Variants in ZFPM2 observed in about 807,000 individuals in gnomAD.
The protein encoded by ZFPM2 is zinc finger protein, FOG family member 2.
A neutral mutation model predicts 98.6 loss-of-function variants in ZFPM2; 20 were observed. The ratio of observed to expected loss-of-function variants is 0.20; its 90% CI spans 0.14 to 0.29. The LOEUF (loss-of-function observed/expected upper bound fraction) is 0.29. ZFPM2 is among the 10% of genes least tolerant of loss of function. The probability of loss-of-function intolerance (pLI) is 1.00; values close to 1 mark genes in which losing one functional copy is unlikely to be tolerated. For synonymous variants in ZFPM2, 518 were observed against 502.7 expected, an observed-to-expected ratio of 1.03 and a Z score of -0.41; for missense variants, 1,310 against 1,388.6, an observed-to-expected ratio of 0.94 and a Z score of 0.90.
chr8:105,338,870 G>A (rs1465614837), intron 1 of ZFPM2, among the ~76,000 whole-genome samples: 1 of 151,804 alleles, frequency 6.6e-6, no homozygotes, highest in Non-Finnish European at 1.5e-5. Flanking sequence ...AATTAAAGTA[G>A]CAATGGTTTA....
intron 4 of ZFPM2, among the ~76,000 whole-genome samples, chr8:105,600,697 G>C (rs958226510): frequency 2.6e-5 from 4 of 151,022 alleles, no homozygotes; most frequent in African/African-American, 7.3e-5. Flanking sequence ...TGATTGTTTT[G>C]GATAATCATA....
chr8:105,370,922 C>A (rs1810610797), intron 1 of ZFPM2, among the ~76,000 whole-genome samples: 1 of 152,182 alleles, frequency 6.6e-6, no homozygotes, highest in African/African-American at 2.4e-5. Flanking sequence ...GTACACACAG[C>A]AGCAGTTGTC....
intron 5 of ZFPM2, among the ~76,000 whole-genome samples, chr8:105,763,418 A>G (rs1046679592): frequency 5.9e-5 from 9 of 151,872 alleles, no homozygotes; most frequent in Admixed American, 5.3e-4. Flanking sequence ...TCTAGGGCCA[A>G]TACCTTCTGG....
intron 3 of ZFPM2, among the ~76,000 whole-genome samples, chr8:105,541,342 T>A (rs1486695895): frequency 6.6e-6 from 1 of 152,154 alleles, no homozygotes; most frequent in African/African-American, 2.4e-5. Context: ...ATCACACAGT[T>A]GTTAAATAGC....
At chr8:105,320,337 C>A (rs534654972) in intron 1 of ZFPM2, among the ~76,000 whole-genome samples, 1 of 148,272 alleles carries the variant, frequency 6.7e-6, no homozygotes, top group South Asian at 2.2e-4. Flanking sequence ...TTTATTTCTT[C>A]GATTCCTTCT....
intron 5 of ZFPM2, among the ~76,000 whole-genome samples, chr8:105,708,381 G>A (rs1423839229): frequency 6.6e-6 from 1 of 151,866 alleles, no homozygotes; most frequent in Non-Finnish European, 1.5e-5. Context: ...TTCCTTTAAT[G>A]TCATTATGAT....
At chr8:105,421,206 C>A (rs1034681527) in intron 2 of ZFPM2, among the ~76,000 whole-genome samples, 3 of 151,912 alleles carry the variant, frequency 2.0e-5, no homozygotes, top group African/African-American at 7.3e-5. Context: ...CATTAAATTA[C>A]AATTGTTCTG....
intron 4 of ZFPM2, among the ~76,000 whole-genome samples, chr8:105,608,691 T>A (rs928150670): frequency 6.6e-6 from 1 of 150,622 alleles, no homozygotes; most frequent in African/African-American, 2.4e-5. Flanking sequence ...ACATGTTGAA[T>A]TTGAAATTAT....
At chr8:105,339,214 T>C (rs1341571002) in intron 1 of ZFPM2, among the ~76,000 whole-genome samples, 1 of 151,884 alleles carries the variant, frequency 6.6e-6, no homozygotes, top group Non-Finnish European at 1.5e-5. Flanking sequence ...CACCGAACAA[T>C]AGAACTGCTT....
At chr8:105,763,593 A>T (rs1812785769) in intron 5 of ZFPM2, among the ~76,000 whole-genome samples, 1 of 151,876 alleles carries the variant, frequency 6.6e-6, no homozygotes, top group Admixed American at 6.6e-5. Context: ...ATGTAAAGTG[A>T]TCTTATACAA....
intron 1 of ZFPM2, among the ~76,000 whole-genome samples, chr8:105,384,214 G>C (rs1230763734): frequency 2.0e-5 from 3 of 152,074 alleles, no homozygotes; most frequent in Admixed American, 1.3e-4. Flanking sequence ...AGAGAGAAAA[G>C]ATTCCAATTC....
intron 5 of ZFPM2, among the ~76,000 whole-genome samples, chr8:105,721,258 C>G (rs190323371): frequency 5.9e-5 from 9 of 151,882 alleles, no homozygotes; most frequent in African/African-American, 2.2e-4. Flanking sequence ...TGAAAAAAAT[C>G]GTGTTTAAGT....
intron 5 of ZFPM2, among the ~76,000 whole-genome samples, chr8:105,739,257 G>A (rs969810367): frequency 6.6e-6 from 1 of 152,050 alleles, no homozygotes; most frequent in African/African-American, 2.4e-5. Flanking sequence ...TTAAAGAATG[G>A]TCAAGTAACA....
intron 3 of ZFPM2, among the ~76,000 whole-genome samples, chr8:105,507,842 C>T (rs1255851263): frequency 1.3e-5 from 2 of 152,146 alleles, no homozygotes; most frequent in African/African-American, 4.8e-5. Context: ...AATCAGAAAA[C>T]TGAGGTAGAA....
intron 4 of ZFPM2, among the ~76,000 whole-genome samples, chr8:105,621,091 A>G (rs909831518): frequency 6.6e-6 from 1 of 152,058 alleles, no homozygotes; most frequent in African/African-American, 2.4e-5. Context: ...CTTGATGGGG[A>G]TGGCATTCAA....
intron 5 of ZFPM2, among the ~76,000 whole-genome samples, chr8:105,738,137 C>T (rs1298832531): frequency 6.6e-6 from 1 of 151,832 alleles, no homozygotes; most frequent in Non-Finnish European, 1.5e-5. Context: ...GCCTCGTATT[C>T]ATTAGTTATT....
At chr8:105,571,309 A>G (rs1450583781) in intron 4 of ZFPM2, among the ~76,000 whole-genome samples, 3 of 152,212 alleles carry the variant, frequency 2.0e-5, no homozygotes, top group Non-Finnish European at 4.4e-5. Context: ...GGGTGGATAT[A>G]TAGCATCCCT....
chr8:105,459,363 C>T (rs906273024), intron 3 of ZFPM2, among the ~76,000 whole-genome samples: 4 of 151,966 alleles, frequency 2.6e-5, no homozygotes, highest in African/African-American at 9.7e-5. Context: ...ATAAATACTC[C>T]CTGTCTAGGA....
chr8:105,692,200 A>C (rs1043544820), intron 5 of ZFPM2, among the ~76,000 whole-genome samples: 1 of 152,218 alleles, frequency 6.6e-6, no homozygotes, highest in African/African-American at 2.4e-5. Context: ...TTTAATTTGT[A>C]TACTGCTAGT....
Sources: allele counts gnomAD v4.1 joint callset (sites outside exome capture counted in the v4.1 genomes callset), GRCh38; gene constraint gnomAD v4.1.1; transcripts MANE v1.5; gene names NCBI Gene and HGNC (gene_info 2026-07-23, HGNC 2026-07-21).